FLVCR1: variants seen among roughly 807,000 people sequenced by gnomAD.
FLVCR1 encodes choline/ethanolamine transporter FLVCR1.
Under a neutral mutation model 53.6 loss-of-function variants are expected in FLVCR1, and 34 were observed. That is an observed-to-expected ratio of 0.63 (90% CI 0.48 to 0.84). The LOEUF (loss-of-function observed/expected upper bound fraction) is 0.84. Ranked by LOEUF, FLVCR1 falls within the 40% of genes least tolerant of loss-of-function variation. The pLI, the probability that FLVCR1 is intolerant of heterozygous loss-of-function variation, is 0.00. For missense variants in FLVCR1, 677 were observed against 696.7 expected (o/e 0.97, Z 0.32); for synonymous variants, 300 against 286.3 (o/e 1.05, Z -0.48).
chr1:212,894,924 G>A (rs1665293452), intron 8 of FLVCR1, 62 bp from the exon 9 acceptor site: 1 of 1,083,904 alleles, frequency 9.2e-7, no homozygotes, highest in African/African-American at 1.5e-5. Flanking sequence ...AAGACTTTGA[G>A]CTGCTTTTTA....
chr1:212,861,745 C>T (rs1340969322), intron 1 of FLVCR1, among the ~76,000 whole-genome samples: 1 of 152,122 alleles, frequency 6.6e-6, no homozygotes. Context: ...TCTTGGCTCA[C>T]TGCAAGCTCT....
intron 3 of FLVCR1, among the ~76,000 whole-genome samples, chr1:212,881,722 T>C (rs1664936505): frequency 6.6e-6 from 1 of 152,140 alleles, no homozygotes; most frequent in South Asian, 2.1e-4. Context: ...TATGATTATA[T>C]TAAAATAATC....
chr1:212,876,522 C>T (rs768137357), intron 3 of FLVCR1, among the ~76,000 whole-genome samples: 10 of 152,028 alleles, frequency 6.6e-5, no homozygotes, highest in Admixed American at 2.0e-4. Context: ...AGTGCCAACA[C>T]GTCCAGCTAA....
At chr1:212,862,750 G>A (rs1295904807) in intron 1 of FLVCR1, among the ~76,000 whole-genome samples, 1 of 152,120 alleles carries the variant, frequency 6.6e-6, no homozygotes, top group Admixed American at 6.6e-5. Context: ...ACTTATTAAG[G>A]AACTGCCAAA....
chr1:212,860,350 G>GTTTTTTTTTTTTTTTTTATTTTTTTTTTT (rs1664188755), intron 1 of FLVCR1, among the ~76,000 whole-genome samples: 1 of 85,824 alleles, frequency 1.2e-5, no homozygotes, highest in African/African-American at 3.8e-5. Context: ...TGTGTGTGTG[G>GTTTTTTTTTTTTTTTTTATTTTTTTTTTT]TTTTTTTTTT....
intron 3 of FLVCR1, among the ~76,000 whole-genome samples, chr1:212,878,988 CA>C (rs35604707): frequency 0.47 from 69,302 of 146,536 alleles, 17,127 homozygotes; most frequent in East Asian, 0.57. Context: ...GATCCTGTCT[CA>C]AAAAAAAAAA....
chr1:212,881,465 A>G (rs915294822), intron 3 of FLVCR1, among the ~76,000 whole-genome samples: 1 of 151,958 alleles, frequency 6.6e-6, no homozygotes, highest in Admixed American at 6.6e-5. Context: ...CAACCTCCCC[A>G]GTAGCTGGGA....
chr1:212,861,526 G>C (rs964975674), intron 1 of FLVCR1, among the ~76,000 whole-genome samples: 1 of 152,156 alleles, frequency 6.6e-6, no homozygotes, highest in African/African-American at 2.4e-5. Flanking sequence ...CTTTCATTCT[G>C]AAGAGTATTC....
chr1:212,864,276 C>T, intron 2 of FLVCR1: 1 of 268,988 alleles, frequency 3.7e-6, no homozygotes, highest in South Asian at 4.0e-5. Context: ...CTAAATTCTC[C>T]CAAGGCTTTC....
chr1:212,893,504 C>T (rs1665252752), intron 8 of FLVCR1, among the ~76,000 whole-genome samples: 1 of 152,200 alleles, frequency 6.6e-6, no homozygotes, highest in Non-Finnish European at 1.5e-5. Context: ...AGAGGATCAA[C>T]TCCTGTTTTG....
intron 8 of FLVCR1, among the ~76,000 whole-genome samples, chr1:212,894,248 GGTTCAA>G (rs746274251): frequency 1.5e-4 from 23 of 152,146 alleles, no homozygotes; most frequent in Non-Finnish European, 3.1e-4. Context: ...CCACCTCCCA[GGTTCAA>G]GTGATTCTTC....
In FLVCR1 at chr1:212,895,947, A is replaced by G. The variant is rs758210046; in HGVS notation, c.*657A>G. On this transcript the variant is annotated 3_prime_UTR_variant, in exon 10 of 10. Coordinates refer to ENST00000366971, the MANE Select transcript of FLVCR1 (RefSeq NM_014053.4). ...GCTATAAAAACTATTCTGTGTACAG[A>G]TTCTACCCAGACTTTGGTCTTAGAA... is the stretch of plus-strand genomic sequence containing the variant. 8 of 152,658 alleles carry G rather than the reference A, an allele frequency of 5.2e-5. No individual in the cohort carries two copies. The highest frequency in any genetic ancestry group is 2.1e-4 in the South Asian group (1 of 4,862). The allele number at this position is 152,658 out of a possible 1,614,324, so 9.5% of individuals were successfully genotyped here.
intron 2 of FLVCR1, among the ~76,000 whole-genome samples, chr1:212,866,203 TCGAACTTC>T (rs1341335313): frequency 1.3e-5 from 2 of 152,030 alleles, no homozygotes; most frequent in African/African-American, 2.4e-5. Flanking sequence ...CAGGCTGGTC[TCGAACTTC>T]TGACCTCAGG....
At position 212,899,149 on chromosome 1, in the gene FLVCR1, A is replaced by G. The variant is rs770142578; in HGVS notation, c.*3859A>G. On this transcript the variant is annotated 3_prime_UTR_variant, in exon 10 of 10. Coordinates refer to ENST00000366971, the MANE Select transcript of FLVCR1 (RefSeq NM_014053.4). ...TTCAAAAGCTGTTGCATTTATTACA[A>G]ATGTCACAAATACAGCTCTTGCCTT... 1.2e-4 allele frequency: 18 copies of G among 152,334 alleles called. No individual in the cohort carries two copies. Among genetic ancestry groups the G allele is most frequent in the East Asian group, 1.9e-4 (1 of 5,192 alleles). 9.4% of individuals were successfully genotyped at this position (152,334 alleles called of 1,614,324 possible).
intron 8 of FLVCR1, among the ~76,000 whole-genome samples, chr1:212,891,215 C>T (rs1665182325): frequency 6.6e-6 from 1 of 152,044 alleles, no homozygotes; most frequent in Non-Finnish European, 1.5e-5. Flanking sequence ...TCAAGACCAG[C>T]CTGACCAACA....
chr1:212,889,845 T>A (rs1369194554), intron 8 of FLVCR1, among the ~76,000 whole-genome samples: 1 of 152,026 alleles, frequency 6.6e-6, no homozygotes, highest in East Asian at 1.9e-4. Flanking sequence ...GGAGTGTGAC[T>A]TTAGACCCGT....
chr1:212,875,910 G>A (rs1003805730), intron 3 of FLVCR1, among the ~76,000 whole-genome samples: 3 of 151,126 alleles, frequency 2.0e-5, no homozygotes, highest in African/African-American at 4.9e-5. Flanking sequence ...CGGTTTTATT[G>A]GTCTCTCAGT....
rs1473610618 is a variant in FLVCR1 at position 212,889,196 on chromosome 1, T to C, written c.1464T>C (p.Tyr488=). The change falls in exon 8 of 10, where the codon TAT becomes TAC. Residue 488 remains tyrosine, a synonymous_variant. Transcript: ENST00000366971. The stretch of plus-strand genomic sequence containing the variant: ...CTCAAGGAAAGCTCACATCAGACTA[T>C]GGTCCTAAGGCAGGGAACATTTTTC... ...TLAQGKLTSD[Y]GPKAGNIFLC... is the part of the protein sequence containing the mutation. 6.8e-6 allele frequency: 11 copies of C among 1,613,884 alleles called. No homozygotes were observed. The highest frequency in any genetic ancestry group is 9.3e-6 in the Non-Finnish European group (11 of 1,179,904).
chr1:212,859,079 G>T lies in FLVCR1; in HGVS notation c.627G>T (p.Leu209Phe). Reference sequence around the variant, plus strand: ...GGGTCACCATGTTGGGCCAGTGCTTGTGCTCGGTGGCCCAGGTGTTCATCC... The same window carrying T: ...GGGTCACCATGTTGGGCCAGTGCTTTTGCTCGGTGGCCCAGGTGTTCATCC... ...LFWVTMLGQCLCSVAQVFILG... is the reference protein window; with the variant it reads ...LFWVTMLGQCFCSVAQVFILG... The change falls in exon 1 of 10, where the codon TTG (leucine) becomes TTT (phenylalanine). Residue 209 changes from leucine to phenylalanine, a missense_variant. Physicochemically the swap from Leu to Phe is conservative, Grantham distance 22. Transcript: ENST00000366971. 1 of 1,613,642 alleles carries T rather than the reference G, an allele frequency of 6.2e-7. No homozygotes were observed. The highest frequency in any genetic ancestry group is 1.1e-5 in the South Asian group (1 of 91,040).
Sources: allele counts gnomAD v4.1 joint callset (sites outside exome capture counted in the v4.1 genomes callset), GRCh38; gene constraint gnomAD v4.1.1; transcripts MANE v1.5; gene names NCBI Gene and HGNC (gene_info 2026-07-23, HGNC 2026-07-21).